The following GALNT9 variants were observed in gnomAD, a reference collection of about 807,000 sequenced individuals.
GALNT9 encodes polypeptide N-acetylgalactosaminyltransferase 9, also known as GalNAc transferase 9.
In GALNT9, 47 loss-of-function variants were observed where a neutral mutation model predicts 63.1. The ratio of observed to expected loss-of-function variants is 0.75; its 90% CI spans 0.59 to 0.95. The LOEUF (loss-of-function observed/expected upper bound fraction) is 0.95. GALNT9 is among the 40% of genes least tolerant of loss of function. The probability of loss-of-function intolerance (pLI) is 0.00; values close to 1 mark genes in which losing one functional copy is unlikely to be tolerated. For synonymous variants in GALNT9, 396 were observed against 365.7 expected (o/e 1.08, Z -0.94); for missense variants, 829 against 874.8 (o/e 0.95, Z 0.66).
intron 6 of GALNT9, among the ~76,000 whole-genome samples, chr12:132,229,192 T>G (rs1386139073): frequency 6.6e-6 from 1 of 152,228 alleles, no homozygotes; most frequent in African/African-American, 2.4e-5. Flanking sequence ...TCCTCCATCC[T>G]GGCTCACAGG....
At chr12:132,304,863 A>C (rs1257314641) in intron 1 of GALNT9, among the ~76,000 whole-genome samples, 57 of 6,218 alleles carry the variant, frequency 9.2e-3, no homozygotes, top group Admixed American at 0.032. Context: ...CCGGGCACAG[A>C]ATCGCCCAGA....
intron 6 of GALNT9, among the ~76,000 whole-genome samples, chr12:132,239,019 A>T (rs1223510440): frequency 6.6e-6 from 1 of 152,222 alleles, no homozygotes. Context: ...GAGACTGTTC[A>T]GCATCAGAGG....
At chr12:132,219,792 G>A (rs1401960898) in intron 6 of GALNT9, among the ~76,000 whole-genome samples, 2 of 139,172 alleles carry the variant, frequency 1.4e-5, no homozygotes, top group African/African-American at 5.5e-5. Context: ...GTAAGGGGAA[G>A]GGACACCTCC....
chr12:132,203,381 C>T, intron 7 of GALNT9, 124 bp downstream of exon 7: 2 of 793,650 alleles, frequency 2.5e-6, no homozygotes, highest in South Asian at 1.8e-5. Context: ...CCTGTGCACA[C>T]CTGTCAACAC....
At chr12:132,300,977 C>T (rs1315653198) in intron 1 of GALNT9, among the ~76,000 whole-genome samples, 1 of 152,260 alleles carries the variant, frequency 6.6e-6, no homozygotes, top group Non-Finnish European at 1.5e-5. Flanking sequence ...GGGCAGCGGG[C>T]GACGCATTCA....
At chr12:132,275,560 G>A (rs1181302747) in intron 2 of GALNT9, 1 of 152,234 alleles carries the variant, frequency 6.6e-6, no homozygotes, top group Non-Finnish European at 1.5e-5. Context: ...GTCATTGCAG[G>A]GACACTTCCC....
At chr12:132,270,679 G>A (rs1280343244) in intron 2 of GALNT9, among the ~76,000 whole-genome samples, 4 of 149,916 alleles carry the variant, frequency 2.7e-5, no homozygotes, top group Non-Finnish European at 6.0e-5. Flanking sequence ...CGACCACACA[G>A]CCACAGCCAT....
chr12:132,307,803 C>T lies in GALNT9; in HGVS notation c.238+21163G>A, dbSNP rs1555244778. Among the ~76,000 whole-genome samples the T allele has an allele frequency of 2.0e-5, 3 of 152,264 alleles. No individual in the cohort carries two copies. The East Asian group carries it at 5.8e-4, about 29-fold the overall frequency. On this transcript the variant is annotated intron_variant, in intron 1 of 10. Transcript: ENST00000328957. ...GAGCTGAGATCACACCAATGCACTCCAGCCTGGGCGACAGAGTGAGACTCC... is the reference window on the plus strand; with the variant it reads ...GAGCTGAGATCACACCAATGCACTCTAGCCTGGGCGACAGAGTGAGACTCC...
intron 2 of GALNT9, among the ~76,000 whole-genome samples, chr12:132,270,063 T>C (rs1348987145): frequency 2.0e-5 from 3 of 152,224 alleles, no homozygotes; most frequent in African/African-American, 4.8e-5. Flanking sequence ...TCTTGTTTAG[T>C]TATTCCAACA....
intron 2 of GALNT9, among the ~76,000 whole-genome samples, chr12:132,267,922 C>T (rs1555240372): frequency 1.3e-5 from 2 of 150,842 alleles, no homozygotes. Flanking sequence ...CATGCACTCA[C>T]ACACATGCAC....
In GALNT9 at chr12:132,201,933, C is replaced by T. The variant is rs572205294; in HGVS notation, c.1264-672G>A. On this transcript the variant is annotated intron_variant, in intron 7 of 10. Coordinates refer to ENST00000328957, the MANE Select transcript of GALNT9 (RefSeq NM_001122636.2). ...GGCTGTAGGGACCAGCACTCTCTGACGGACAGCCAGCCCTGAGGGAGCACC... is the reference window on the plus strand; with the variant it reads ...GGCTGTAGGGACCAGCACTCTCTGATGGACAGCCAGCCCTGAGGGAGCACC... 2.1e-4 allele frequency among the ~76,000 whole-genome samples: 32 copies of T among 151,716 alleles called. No individual in the cohort carries two copies. In the East Asian group the frequency reaches 3.7e-3, roughly 17 times the overall value.
chr12:132,302,247 C>CAT (rs1372142435), intron 1 of GALNT9, among the ~76,000 whole-genome samples: 1 of 151,752 alleles, frequency 6.6e-6, no homozygotes. Context: ...CACACACACA[C>CAT]ACACACACAC....
chr12:132,329,130 G>A lies in GALNT9; in HGVS notation c.74C>T (p.Ser25Phe). The change falls in exon 1 of 11, where the codon TCC becomes TTC. Residue 25 changes from serine (S) to phenylalanine (F), a missense_variant. Coordinates refer to ENST00000328957, the MANE Select transcript of GALNT9 (RefSeq NM_001122636.2). ...ILVFVGIVLF[S>F]VYCRLQGRSQ... ...GCGGCCCTGCAGGCGGCAGTACACG[G>A]AGAACAGGACGATGCCCACGAACAC... 1 of 1,549,752 alleles carries A rather than the reference G, an allele frequency of 6.5e-7. No homozygotes were observed. The highest frequency in any genetic ancestry group is 2.4e-5 in the East Asian group (1 of 40,900).
chr12:132,221,941 T>C (rs924959932), intron 6 of GALNT9, among the ~76,000 whole-genome samples: 3 of 152,064 alleles, frequency 2.0e-5, no homozygotes, highest in African/African-American at 7.2e-5. Context: ...AAAATAGTAA[T>C]GGGGACAGGT....
rs975341137 is a variant in GALNT9 at position 132,319,838 on chromosome 12, C to T, written c.238+9128G>A. ...CTCCCGCGTCCTTCTAGGGAGAAGCCGGATTTCCTGTAGAACCTGTGTCTT... is the reference window on the plus strand; with the variant it reads ...CTCCCGCGTCCTTCTAGGGAGAAGCTGGATTTCCTGTAGAACCTGTGTCTT... On this transcript the variant is annotated intron_variant, in intron 1 of 10. Transcript: ENST00000328957. The surrounding 1 kb of genome is among the most constrained non-coding windows in gnomAD (Gnocchi z 5.2). Among the ~76,000 whole-genome samples, 9 of 152,174 alleles carry T rather than the reference C, an allele frequency of 5.9e-5. No individual in the cohort carries two copies. The highest frequency in any genetic ancestry group is 1.9e-4 in the East Asian group (1 of 5,180).
chr12:132,218,656 A>C (rs770527786), intron 6 of GALNT9, among the ~76,000 whole-genome samples: 1 of 152,226 alleles, frequency 6.6e-6, no homozygotes, highest in Non-Finnish European at 1.5e-5. Context: ...TCCGGGCAGG[A>C]TCTGCCTGTA....
chr12:132,216,665 T>C lies in GALNT9; in HGVS notation c.1078-12975A>G, dbSNP rs77340323. Among the ~76,000 whole-genome samples the C allele has an allele frequency of 1.0e-3, 152 of 152,332 alleles. 3 individuals carry two copies. In the East Asian group the frequency reaches 0.021, roughly 21 times the overall value. ...CCCACGTGGCTACCTTGGGAGGTGT[T>C]CCAGCATCTGGGGGGATGAGCAGTT... On this transcript the variant is annotated intron_variant, in intron 6 of 10. Coordinates refer to ENST00000328957, the MANE Select transcript of GALNT9 (RefSeq NM_001122636.2).
rs570560235 is a variant in GALNT9, at chr12:132,200,982, C to T, written c.1401+142G>A. 236 of 781,336 alleles carry T rather than the reference C, an allele frequency of 3.0e-4. 1 individual carries two copies. In the South Asian group the frequency reaches 4.1e-3, roughly 13 times the overall value. The allele number at this position is 781,336 out of a possible 1,614,324, so 48.4% of individuals were successfully genotyped here. ...GCAGGAGTCAGGGCGGAAGGCCTGT[C>T]GGGCCGAGTGGGACCCTCTGGGGGA... On this transcript the variant is annotated intron_variant, in intron 8 of 10. Coordinates refer to ENST00000328957, the MANE Select transcript of GALNT9 (RefSeq NM_001122636.2).
At chr12:132,235,220 G>A (rs1214194330) in intron 6 of GALNT9, among the ~76,000 whole-genome samples, 3 of 152,130 alleles carry the variant, frequency 2.0e-5, no homozygotes, top group Non-Finnish European at 2.9e-5. Context: ...AGGAGACAGC[G>A]TGGAGCTGGC....
Sources: allele counts gnomAD v4.1 joint callset (sites outside exome capture counted in the v4.1 genomes callset), GRCh38; gene constraint gnomAD v4.1.1; non-coding constraint Gnocchi (gnomAD v3.1); transcripts MANE v1.5; gene names NCBI Gene and HGNC (gene_info 2026-07-23, HGNC 2026-07-21).